Variants in ANK3 observed in about 807,000 individuals in gnomAD.
The protein encoded by ANK3 is ankyrin-3.
Under a neutral mutation model 370.9 loss-of-function variants are expected in ANK3, and 57 were observed. The observed-to-expected ratio is 0.15, with a 90% CI of 0.12 to 0.19. The LOEUF is 0.19. ANK3 is among the 10% of genes least tolerant of loss of function. ANK3 has a pLI of 1.00. For missense variants in ANK3, 4,439 were observed against 5,302.1 expected, an observed-to-expected ratio of 0.84 and a Z score of 5.06; for synonymous variants, 1,929 against 1,946.3, an observed-to-expected ratio of 0.99 and a Z score of 0.23.
In ANK3 at chr10:60,410,841, T is replaced by C. The variant is rs867460846; in HGVS notation, c.97-131202A>G. ...CCAGAATGCCTGGCCAATTTTTTTT[T>C]TTTCATTTTTTGCAGTGACAAGGTC... On this transcript the variant is annotated intron_variant, in intron 2 of 43. Coordinates refer to the ANK3 transcript ENST00000373827. Among the ~76,000 whole-genome samples the C allele has an allele frequency of 2.6e-5, 4 of 152,182 alleles. 1 individual carries two copies. Among genetic ancestry groups the C allele is most frequent in the South Asian group, 4.2e-4 (2 of 4,804 alleles).
intron 8 of ANK3, among the ~76,000 whole-genome samples, chr10:60,231,116 A>G (rs1361307547): frequency 6.6e-6 from 1 of 152,126 alleles, no homozygotes; most frequent in African/African-American, 2.4e-5. Context: ...AACTTTTCTC[A>G]GGTCACAATT....
chr10:60,124,218 C>T lies in ANK3; in HGVS notation c.2842-9887G>A, dbSNP rs140947711. ...TGTCGCCTAGGCTCAAGTGCAGTGG[C>T]GCTATCTGTGCTGGCTCACTGAAAC... is the stretch of plus-strand genomic sequence containing the variant. On this transcript the variant is annotated intron_variant, in intron 25 of 43. Coordinates refer to ENST00000280772, the MANE Select transcript of ANK3 (RefSeq NM_020987.5). 2.9e-3 allele frequency among the ~76,000 whole-genome samples: 445 copies of T among 152,262 alleles called. 13 individuals are homozygous for T. The South Asian group carries it at 0.048, about 16-fold the overall frequency.
intron 2 of ANK3, among the ~76,000 whole-genome samples, chr10:60,434,549 T>C (rs999426554): frequency 4.1e-4 from 63 of 152,368 alleles, no homozygotes; most frequent in African/African-American, 1.4e-3. Context: ...CAGAATTGTA[T>C]ATAGAGAGCC....
intron 7 of ANK3, among the ~76,000 whole-genome samples, chr10:60,256,091 C>T (rs2097730742): frequency 6.6e-6 from 1 of 152,196 alleles, no homozygotes; most frequent in Admixed American, 6.5e-5. Context: ...TATCCTTCAG[C>T]TTTGCCTTTC....
chr10:60,499,037 A>G (rs949098149), intron 2 of ANK3, among the ~76,000 whole-genome samples: 1 of 152,106 alleles, frequency 6.6e-6, no homozygotes, highest in African/African-American at 2.4e-5. Context: ...TCTTTTAACC[A>G]CTGTTCGTTT....
chr10:60,661,682 C>T (rs999829688), intron 1 of ANK3, among the ~76,000 whole-genome samples: 1 of 152,160 alleles, frequency 6.6e-6, no homozygotes, highest in East Asian at 1.9e-4. Context: ...ACCTTGCAGA[C>T]TTAAAAGTCT....
upstream of ANK3, among the ~76,000 whole-genome samples, chr10:60,390,391 G>A (rs900723019): frequency 1.3e-5 from 2 of 152,132 alleles, no homozygotes; most frequent in Non-Finnish European, 2.9e-5. Flanking sequence ...TCCTCTCATG[G>A]GGTCTGAGGG....
chr10:60,679,319 C>T (rs940809116), intron 1 of ANK3, among the ~76,000 whole-genome samples: 9 of 152,078 alleles, frequency 5.9e-5, no homozygotes, highest in African/African-American at 2.2e-4. Context: ...TGTCAGGCAA[C>T]CATCAGGTGA....
At chr10:60,188,130 TTAA>T (rs2132372128) in intron 16 of ANK3, among the ~76,000 whole-genome samples, 1 of 152,358 alleles carries the variant, frequency 6.6e-6, no homozygotes, top group East Asian at 1.9e-4. Context: ...CTGCCATGTA[TTAA>T]TTACATGAAG....
intron 1 of ANK3, among the ~76,000 whole-genome samples, chr10:60,324,100 C>T (rs1443629936): frequency 6.6e-6 from 1 of 152,120 alleles, no homozygotes; most frequent in African/African-American, 2.4e-5. Flanking sequence ...AGGGGACAAG[C>T]ATGTGAGATA....
chr10:60,524,071 C>T (rs2076412702), intron 2 of ANK3, among the ~76,000 whole-genome samples: 1 of 152,092 alleles, frequency 6.6e-6, no homozygotes, highest in Non-Finnish European at 1.5e-5. Context: ...GCCTCTCCCA[C>T]TTACTCATTC....
chr10:60,394,607 C>T (rs1467627093), upstream of ANK3, among the ~76,000 whole-genome samples: 1 of 152,176 alleles, frequency 6.6e-6, no homozygotes, highest in African/African-American at 2.4e-5. Context: ...GTCTCTCCAT[C>T]ACACCCACAC....
At chr10:60,471,474 C>A (rs191039140) in intron 2 of ANK3, among the ~76,000 whole-genome samples, 1 of 152,158 alleles carries the variant, frequency 6.6e-6, no homozygotes, top group East Asian at 1.9e-4. Flanking sequence ...TAATGGCTGC[C>A]TGGTATTCAG....
chr10:60,533,316 C>A (rs1451585479), intron 2 of ANK3, among the ~76,000 whole-genome samples: 1 of 152,090 alleles, frequency 6.6e-6, no homozygotes, highest in Admixed American at 6.6e-5. Flanking sequence ...ATGTTTGGAT[C>A]AAGGAAGCTG....
chr10:60,656,442 T>TAA (rs200192175), intron 1 of ANK3, among the ~76,000 whole-genome samples: 65 of 151,812 alleles, frequency 4.3e-4, no homozygotes, highest in Middle Eastern at 3.4e-3. Flanking sequence ...TACTATCTTT[T>TAA]AAAAAAAAAT....
chr10:60,524,746 C>T (rs1169161279), intron 2 of ANK3, among the ~76,000 whole-genome samples: 1 of 152,030 alleles, frequency 6.6e-6, no homozygotes, highest in East Asian at 1.9e-4. Flanking sequence ...TTTCATCATG[C>T]CTGGGGGGTG....
chr10:60,512,831 G>A (rs2076121821), intron 2 of ANK3, among the ~76,000 whole-genome samples: 3 of 152,102 alleles, frequency 2.0e-5, no homozygotes, highest in South Asian at 2.1e-4. Context: ...CTGCAGGAAC[G>A]GTTAGAATAT....
chr10:60,269,023 G>A (rs1321038800), intron 5 of ANK3, among the ~76,000 whole-genome samples: 1 of 152,190 alleles, frequency 6.6e-6, no homozygotes, highest in Admixed American at 6.5e-5. Context: ...TTTATCTACT[G>A]CCATCTTTTC....
At chr10:60,417,062 C>T (rs144684982) in intron 2 of ANK3, among the ~76,000 whole-genome samples, 1 of 152,194 alleles carries the variant, frequency 6.6e-6, no homozygotes, top group African/African-American at 2.4e-5. Context: ...GGAAAGATAT[C>T]CAGATGAGGC....
Sources: gnomAD v4.1 joint callset for allele counts (sites outside exome capture counted in the v4.1 genomes callset) on GRCh38, gnomAD v4.1.1 for gene constraint, MANE v1.5 for transcripts, NCBI Gene and HGNC (gene_info 2026-07-23, HGNC 2026-07-21) for gene names.